The following HMCN2 variants were observed in gnomAD, a reference collection of about 807,000 sequenced individuals.
HMCN2 encodes the protein hemicentin-2.
HMCN2 carries 325 observed loss-of-function variants against 377.5 expected under a neutral mutation model. That is an observed-to-expected ratio of 0.86 (90% CI 0.79 to 0.94). The LOEUF (loss-of-function observed/expected upper bound fraction) is 0.94. Among genes scored for constraint, HMCN2 ranks in the 40% least tolerant of loss-of-function variants. The pLI is 0.00. For synonymous variants in HMCN2, 2,007 were observed against 2,046.8 expected (o/e 0.98, Z 0.53); for missense variants, 4,543 against 4,725.3 (o/e 0.96, Z 1.13).
rs1442294565 is a variant in HMCN2, at chr9:130,302,962, G to A, written c.1382G>A (p.Arg461Gln). ...GCCCTTCCCTTCCGGCTGCAGCTGCGGCGAGGTGAAGCCAGGCTGGGCGAA... is the reference window on the plus strand; with the variant it reads ...GCCCTTCCCTTCCGGCTGCAGCTGCAGCGAGGTGAAGCCAGGCTGGGCGAA... ...HSALPFRLQLRRGEARLGEER... is the reference protein window; with the variant it reads ...HSALPFRLQLQRGEARLGEER... Residue 461 changes from arginine to glutamine, a missense_variant, in exon 9 of 98, where the codon CGG (arginine) becomes CAG (glutamine). Arg to Gln is a conservative substitution (Grantham distance 43). This residue lies in a region of HMCN2 where 547 missense variants were observed against 189.9 expected (regional missense o/e 2.88). Coordinates refer to ENST00000683500, the MANE Select transcript of HMCN2 (RefSeq NM_001291815.2). 2 of 470,696 alleles carry A rather than the reference G, an allele frequency of 4.2e-6. No homozygotes were observed. The highest frequency in any genetic ancestry group is 8.8e-6 in the Non-Finnish European group (2 of 226,872). The allele number at this position is 470,696 out of a possible 1,614,324, so 29.2% of individuals were successfully genotyped here.
intron 85 of HMCN2, among the ~76,000 whole-genome samples, chr9:130,411,269 C>T (rs937943005): frequency 1.3e-5 from 2 of 151,654 alleles, no homozygotes; most frequent in African/African-American, 4.8e-5. Context: ...TAAAATTCAC[C>T]CGTTCATGCA....
Position 130,303,780 on chromosome 9 carries a change from C to T in HMCN2, c.1543+172C>T, listed in dbSNP as rs1349191749. Among the ~76,000 whole-genome samples the T allele has an allele frequency of 6.6e-6, 1 of 152,222 alleles. No homozygotes were observed. The highest frequency in any genetic ancestry group is 2.4e-5 in the African/African-American group (1 of 41,452). On this transcript the variant is annotated intron_variant, in intron 10 of 97. Transcript: ENST00000683500. This position sits in a 1 kb window ranked among gnomAD's most constrained non-coding sequence, Gnocchi z 5.2. ...CTGCCCCTCATGTGGGGCCGTCTCA[C>T]CCAGGAACGGCCTGTGGGTCTCCGC...
At chr9:130,430,021 G>A in intron 94 of HMCN2, 1 of 597,072 alleles carries the variant, frequency 1.7e-6, no homozygotes, top group Non-Finnish European at 2.9e-6. Context: ...GATCTAACTG[G>A]GGCACTGAAG....
At chr9:130,429,492 C>T (rs1338231758) in intron 93 of HMCN2, 65 bp from the exon 94 acceptor site, 1 of 1,540,166 alleles carries the variant, frequency 6.5e-7, no homozygotes, top group African/African-American at 1.4e-5. Flanking sequence ...GGGGGATGGT[C>T]CGTCCCTTGG....
intron 1 of HMCN2, among the ~76,000 whole-genome samples, chr9:130,276,770 G>A (rs782474741): frequency 2.6e-5 from 4 of 152,210 alleles, no homozygotes; most frequent in African/African-American, 4.8e-5. Context: ...AATTCTAGCA[G>A]GCTTGACATC....
At chr9:130,427,730 T>C (rs1844470662) in intron 92 of HMCN2, 111 bp downstream of exon 92, 1 of 1,318,532 alleles carries the variant, frequency 7.6e-7, no homozygotes, top group Admixed American at 2.8e-5. Flanking sequence ...CCTGCAGGGA[T>C]GGCCAATTCT....
At chr9:130,356,838 A>G (rs1041124605) in intron 34 of HMCN2, among the ~76,000 whole-genome samples, 3 of 152,194 alleles carry the variant, frequency 2.0e-5, no homozygotes, top group Non-Finnish European at 4.4e-5. Flanking sequence ...GGGGCCCAGT[A>G]TAGTTCTGGC....
At chr9:130,357,059 AGGATGGAT>A (rs201419400) in intron 34 of HMCN2, among the ~76,000 whole-genome samples, 39 of 106,158 alleles carry the variant, frequency 3.7e-4, no homozygotes, top group Admixed American at 8.4e-4. Flanking sequence ...GATAGAAGGG[AGGATGGAT>A]GGATGGATGG....
chr9:130,350,001 G>A (rs1839616388), intron 29 of HMCN2, among the ~76,000 whole-genome samples: 1 of 146,364 alleles, frequency 6.8e-6, no homozygotes, highest in South Asian at 2.2e-4. Flanking sequence ...GGGCTTCTTG[G>A]GCTCAAGAGA....
At chr9:130,301,282 A>G (rs1438759021) in intron 8 of HMCN2, among the ~76,000 whole-genome samples, 1 of 152,272 alleles carries the variant, frequency 6.6e-6, no homozygotes, top group Non-Finnish European at 1.5e-5. Context: ...ACTTTCAGGA[A>G]GGAATTTCAG....
chr9:130,333,313 C>G (rs1234380220), intron 22 of HMCN2, among the ~76,000 whole-genome samples: 1 of 152,114 alleles, frequency 6.6e-6, no homozygotes, highest in African/African-American at 2.4e-5. Context: ...GAAGGCTTCC[C>G]TGAGTGCAGC....
chr9:130,274,053 A>T (rs1834543840), intron 1 of HMCN2, among the ~76,000 whole-genome samples: 2 of 144,394 alleles, frequency 1.4e-5, no homozygotes, highest in African/African-American at 5.1e-5. Flanking sequence ...TGATACATTA[A>T]TTTTTTTTTT....
chr9:130,368,419 C>T lies in HMCN2; in HGVS notation c.6769C>T (p.Leu2257=). The change falls in exon 44 of 98, where the codon CTG becomes TTG. Residue 2257 remains leucine (L), a synonymous_variant. Transcript: ENST00000683500. The stretch of plus-strand genomic sequence containing the variant: ...CGTGGTGGGGAACAGCAGCCAGGAC[C>T]TGCAGCTGGAGGTGCACGGTGGGTG... ...SNVVGNSSQD[L]QLEVHVPPQI... is the part of the protein sequence containing the mutation. 1.0e-6 allele frequency: 1 copy of T among 986,208 alleles called. No homozygotes were observed. The highest frequency in any genetic ancestry group is 1.7e-5 in the African/African-American group (1 of 57,330). 61.1% of individuals were successfully genotyped at this position (986,208 alleles called of 1,614,324 possible).
Position 130,271,870 on chromosome 9 carries a change from T to A in HMCN2, c.259+5733T>A, listed in dbSNP as rs1170691167. Reference sequence around the variant, plus strand: ...TATCTATACATAGTTTTATATGTAATCATCCGTGTCTATATTAAGCTAAAC... The same window carrying A: ...TATCTATACATAGTTTTATATGTAAACATCCGTGTCTATATTAAGCTAAAC... On this transcript the variant is annotated intron_variant, in intron 1 of 97. Transcript: ENST00000683500. Among the ~76,000 whole-genome samples, 2 of 149,500 alleles carry A rather than the reference T, an allele frequency of 1.3e-5. 1 individual carries two copies. The highest frequency in any genetic ancestry group is 3.0e-5 in the Non-Finnish European group (2 of 66,544).
chr9:130,312,460 A>G (rs1837292389), intron 15 of HMCN2, among the ~76,000 whole-genome samples: 1 of 145,668 alleles, frequency 6.9e-6, no homozygotes, highest in East Asian at 2.1e-4. Context: ...GCAGACCCAT[A>G]TTTATTTATT....
Position 130,407,604 on chromosome 9 carries a change from T to C in HMCN2, c.12587T>C (p.Leu4196Pro). The C allele has an allele frequency of 7.8e-7, 1 of 1,289,272 alleles. No homozygotes were observed. 79.9% of individuals were successfully genotyped at this position (1,289,272 alleles called of 1,614,324 possible). Reference protein sequence around the residue: ...GVSEQDGGSTLQRAAVSREDS... With the variant: ...GVSEQDGGSTPQRAAVSREDS... ...TCTGAGCAGGATGGAGGCAGCACGCTGCAGCGGGCCGCTGTCTCCAGAGAA... is the reference window on the plus strand; with the variant it reads ...TCTGAGCAGGATGGAGGCAGCACGCCGCAGCGGGCCGCTGTCTCCAGAGAA... The change falls in exon 83 of 98, where the codon CTG (leucine) becomes CCG (proline). Residue 4196 changes from leucine to proline, a missense_variant. Physicochemically the swap from Leu to Pro is moderately conservative, Grantham distance 98. Transcript: ENST00000683500.
chr9:130,381,082 C>T (rs1448888258), intron 54 of HMCN2, among the ~76,000 whole-genome samples: 1 of 152,220 alleles, frequency 6.6e-6, no homozygotes, highest in African/African-American at 2.4e-5. Context: ...ACCCTGACAA[C>T]TGACCTCTAA....
intron 25 of HMCN2, among the ~76,000 whole-genome samples, chr9:130,345,117 T>TTTTTG: frequency 2.1e-5 from 1 of 47,640 alleles, no homozygotes; most frequent in African/African-American, 8.0e-5. Context: ...GTATGTATTG[T>TTTTTG]GTGTGGTGTG....
Position 130,403,805 on chromosome 9 carries a change from T to G in HMCN2, c.12078T>G (p.Ala4026=). Residue 4026 remains alanine (A), a synonymous_variant, in exon 80 of 98, where the codon GCT becomes GCG. Transcript: ENST00000683500. ...LRIAHASPED[A]GNYLCIAKNS... is the part of the protein sequence containing the mutation. ...TTGCCCATGCCAGCCCAGAGGATGC[T>G]GGAAACTATCTCTGCATCGCTAAGA... The G allele has an allele frequency of 7.8e-7, 1 of 1,289,800 alleles. No individual in the cohort carries two copies. The highest frequency in any genetic ancestry group is 1.0e-6 in the Non-Finnish European group (1 of 988,872). 79.9% of individuals were successfully genotyped at this position (1,289,800 alleles called of 1,614,324 possible). A position where few individuals can be genotyped will look rare whatever the true frequency, so the allele number is the denominator to read the frequency against.
Sources: allele counts gnomAD v4.1 joint callset (sites outside exome capture counted in the v4.1 genomes callset), GRCh38; gene constraint gnomAD v4.1.1; regional missense constraint gnomAD v4.1.1; non-coding constraint Gnocchi (gnomAD v3.1); transcripts MANE v1.5; gene names NCBI Gene and HGNC (gene_info 2026-07-23, HGNC 2026-07-21).